The following CCSER2 variants were observed in gnomAD, a reference collection of about 807,000 sequenced individuals.
CCSER2 encodes the protein coiled-coil serine rich protein 2, also known as serine-rich coiled-coil domain-containing protein 2.
In CCSER2, 46 loss-of-function variants were observed where a neutral mutation model predicts 92.3. That is an observed-to-expected ratio of 0.50 (90% CI 0.39 to 0.64). CCSER2 has a LOEUF of 0.64. Ranked by LOEUF, CCSER2 falls within the 30% of genes least tolerant of loss-of-function variation. CCSER2 has a pLI of 0.00. For missense variants in CCSER2, 1,244 were observed against 1,238.9 expected, an observed-to-expected ratio of 1.00 and a Z score of -0.06; for synonymous variants, 433 against 431.4, an observed-to-expected ratio of 1.00 and a Z score of -0.04.
chr10:84,386,887 G>A (rs966646028), intron 3 of CCSER2, among the ~76,000 whole-genome samples: 1 of 152,134 alleles, frequency 6.6e-6, no homozygotes, highest in Non-Finnish European at 1.5e-5. Context: ...TAAACAGTGG[G>A]TACACATGGA....
chr10:84,488,483 C>T (rs1180144847), intron 9 of CCSER2, among the ~76,000 whole-genome samples: 1 of 152,088 alleles, frequency 6.6e-6, no homozygotes, highest in African/African-American at 2.4e-5. Flanking sequence ...GTATATGTGT[C>T]GAGGAATTTA....
At chr10:84,418,779 A>G (rs576411223) in intron 4 of CCSER2, among the ~76,000 whole-genome samples, 2 of 152,276 alleles carry the variant, frequency 1.3e-5, no homozygotes, top group East Asian at 3.9e-4. Flanking sequence ...AGAATGCTGT[A>G]TGGCATTCTC....
rs1351439043 is a variant in CCSER2, at chr10:84,514,210, T to C, written c.3087T>C (p.Ser1029=). 6.5e-7 allele frequency: 1 copy of C among 1,536,436 alleles called. No homozygotes were observed. The change falls in exon 10 of 10, where the codon TCT becomes TCC. Residue 1029 remains serine, a synonymous_variant. Transcript: ENST00000372088. ...IMQNPNGNLH[S]GDCLASNRYS... ...AGAATCCAAATGGCAATTTGCATTC[T>C]GGGGATTGTTTGGCCTCTAATCGAT...
chr10:84,353,159 T>C (rs1844958876), intron 1 of CCSER2, among the ~76,000 whole-genome samples: 1 of 152,152 alleles, frequency 6.6e-6, no homozygotes, highest in Non-Finnish European at 1.5e-5. Flanking sequence ...AAATTAGTTA[T>C]CGTTAAGGGC....
intron 1 of CCSER2, among the ~76,000 whole-genome samples, chr10:84,346,773 T>A (rs1398541378): frequency 1.3e-5 from 2 of 149,652 alleles, no homozygotes; most frequent in Non-Finnish European, 3.0e-5. Context: ...TATATATATA[T>A]ATATTTATTT....
intron 8 of CCSER2, among the ~76,000 whole-genome samples, 160 bp from the exon 9 acceptor site, chr10:84,477,415 G>T (rs1847214317): frequency 6.6e-6 from 1 of 152,050 alleles, no homozygotes; most frequent in Non-Finnish European, 1.5e-5. Context: ...CCCTAAAAGA[G>T]CCCTGATTAC....
intron 3 of CCSER2, among the ~76,000 whole-genome samples, chr10:84,377,097 T>C (rs1036027899): frequency 2.4e-4 from 37 of 152,150 alleles, no homozygotes; most frequent in African/African-American, 3.1e-4. Flanking sequence ...TATTCATGTG[T>C]ATATTTACAT....
At chr10:84,349,614 C>T (rs941525592) in intron 1 of CCSER2, among the ~76,000 whole-genome samples, 10 of 151,946 alleles carry the variant, frequency 6.6e-5, no homozygotes, top group South Asian at 2.1e-4. Flanking sequence ...CCCAGGAAGT[C>T]GAGGCTGCAG....
intron 9 of CCSER2, chr10:84,507,423 G>A (rs771725731): frequency 2.7e-6 from 1 of 372,020 alleles, no homozygotes; most frequent in Non-Finnish European, 3.7e-6. Context: ...GCATGTCAGA[G>A]CCTGCATGAA....
At chr10:84,501,524 C>T (rs879460784) in intron 9 of CCSER2, among the ~76,000 whole-genome samples, 1 of 151,932 alleles carries the variant, frequency 6.6e-6, no homozygotes, top group Admixed American at 6.6e-5. Flanking sequence ...CTTTTAAAAA[C>T]ATGTTTATCA....
At chr10:84,455,874 C>A (rs762452780) in intron 6 of CCSER2, 45 of 719,540 alleles carry the variant, frequency 6.3e-5, no homozygotes, top group South Asian at 1.8e-4. Context: ...ACCACAGCAT[C>A]TGGCTTTTCA....
chr10:84,428,350 C>T (rs1025723044), intron 5 of CCSER2, among the ~76,000 whole-genome samples: 1 of 152,150 alleles, frequency 6.6e-6, no homozygotes. Context: ...CGATAGGGTT[C>T]GTGCTCCTAT....
At chr10:84,400,246 G>C (rs181383628) in intron 3 of CCSER2, among the ~76,000 whole-genome samples, 2 of 151,948 alleles carry the variant, frequency 1.3e-5, no homozygotes, top group African/African-American at 4.8e-5. Flanking sequence ...ATCTATTTTT[G>C]TTGTCATTGT....
intron 6 of CCSER2, chr10:84,454,585 A>G (rs1315995835): frequency 6.6e-6 from 1 of 152,376 alleles, no homozygotes; most frequent in East Asian, 1.9e-4. Context: ...AGGCTGTTAA[A>G]TAGATGTCAA....
At chr10:84,420,949 A>AAAAAT (rs1843117554) in intron 4 of CCSER2, among the ~76,000 whole-genome samples, 2 of 150,596 alleles carry the variant, frequency 1.3e-5, no homozygotes, top group Admixed American at 6.6e-5. Context: ...AAAAAAAAAA[A>AAAAAT]GGTTTAGATT....
intron 1 of CCSER2, among the ~76,000 whole-genome samples, chr10:84,334,017 A>G (rs112600833): frequency 1.1e-4 from 16 of 152,336 alleles, no homozygotes; most frequent in African/African-American, 3.8e-4. Context: ...GGAAACACCA[A>G]ATTACCAAAA....
chr10:84,368,057 C>T (rs1195153483), intron 1 of CCSER2, among the ~76,000 whole-genome samples: 1 of 152,098 alleles, frequency 6.6e-6, no homozygotes, highest in Admixed American at 6.6e-5. Context: ...AGATCCTTCC[C>T]TCAACTCAGT....
chr10:84,439,407 ATTTGTAC>A (rs1288014710), intron 6 of CCSER2, among the ~76,000 whole-genome samples: 3 of 152,162 alleles, frequency 2.0e-5, no homozygotes, highest in Non-Finnish European at 4.4e-5. Context: ...TTAAATCTGT[ATTTGTAC>A]TTTGTAGAAT....
Position 84,372,314 on chromosome 10 carries a change from T to G in CCSER2, c.1262T>G (p.Ile421Arg), listed in dbSNP as rs750013981. ...SEDFSDDFID[I>R]EDSNRTRITP... ...GACTTTAGTGATGATTTTATAGATA[T>G]AGAAGACTCCAACAGAACTAGAATA... Residue 421 changes from isoleucine (I) to arginine (R), a missense_variant, in exon 2 of 10, where the codon ATA (isoleucine) becomes AGA (arginine). Transcript: ENST00000372088. The G allele has an allele frequency of 6.2e-7, 1 of 1,612,376 alleles. No homozygotes were observed.
Sources: allele counts gnomAD v4.1 joint callset (sites outside exome capture counted in the v4.1 genomes callset), GRCh38; gene constraint gnomAD v4.1.1; transcripts MANE v1.5; gene names NCBI Gene and HGNC (gene_info 2026-07-23, HGNC 2026-07-21).